PLEKHG4B: variants seen among roughly 807,000 people sequenced by gnomAD.
PLEKHG4B encodes the protein pleckstrin homology domain-containing family G member 4B.
A neutral mutation model predicts 121.3 loss-of-function variants in PLEKHG4B; 111 were observed. The ratio of observed to expected loss-of-function variants is 0.92; its 90% CI spans 0.78 to 1.07. The LOEUF is 1.07. Among genes scored for constraint, PLEKHG4B ranks in the 50% least tolerant of loss-of-function variants. PLEKHG4B has a pLI of 0.00. For missense variants in PLEKHG4B, 1,831 were observed against 1,757.8 expected, an observed-to-expected ratio of 1.04 and a Z score of -0.74; for synonymous variants, 738 against 725.0, an observed-to-expected ratio of 1.02 and a Z score of -0.29.
Position 140,509 on chromosome 5 carries a change from ACAGGTC to A in PLEKHG4B, c.1275_1280del (p.Pro426_Gly427del). 1 of 1,597,590 alleles carries A rather than the reference ACAGGTC, an allele frequency of 6.3e-7. No individual in the cohort carries two copies. Among genetic ancestry groups the A allele is most frequent in the Non-Finnish European group, 8.5e-7 (1 of 1,172,602 alleles). On this transcript the variant is annotated inframe_deletion, in exon 3 of 20. Transcript: ENST00000637938. ...GAAGGAGAGGCACACACCCAGCCGG[ACAGGTC>A]CAGGAGCTGCAGGGCGGACTCTTCC...
intron 11 of PLEKHG4B, among the ~76,000 whole-genome samples, chr5:161,041 C>A (rs542303459): frequency 6.6e-6 from 1 of 152,230 alleles, no homozygotes; most frequent in African/African-American, 2.4e-5. Flanking sequence ...TTCTTCACAA[C>A]AGGCCTCTCA....
intron 18 of PLEKHG4B, among the ~76,000 whole-genome samples, chr5:176,374 T>C (rs1736761555): frequency 6.6e-6 from 1 of 152,264 alleles, no homozygotes; most frequent in African/African-American, 2.4e-5. Flanking sequence ...TCCAAGCACC[T>C]GGAGCCTGCA....
chr5:136,121 A>G (rs1734977681), intron 2 of PLEKHG4B, among the ~76,000 whole-genome samples: 1 of 152,178 alleles, frequency 6.6e-6, no homozygotes, highest in African/African-American at 2.4e-5. Flanking sequence ...ATCCACATGC[A>G]AAAGAATGAA....
chr5:94,138 G>A (rs1402216273), intron 1 of PLEKHG4B, among the ~76,000 whole-genome samples: 1 of 152,238 alleles, frequency 6.6e-6, no homozygotes, highest in Non-Finnish European at 1.5e-5. Flanking sequence ...AGCAAAGCTA[G>A]GTTTGAGCCA....
rs373010753 is a variant in PLEKHG4B, at chr5:154,926, C to T, written c.2044C>T (p.Gln682Ter). Reference protein sequence around the residue: ...KAVHKFVDSCQLTADLDGSFP... With the variant: ...KAVHKFVDSC ...CGTGCACAAATTTGTTGACAGCTGC[C>T]AGCTGACCGCAGACCTCGACGGCTC... Residue 682 changes from glutamine to a stop codon, truncating the protein, a stop_gained, in exon 8 of 20, where the codon CAG (glutamine) becomes TAG (stop). Transcript: ENST00000637938. LOFTEE classifies it high-confidence loss of function. 8.7e-6 allele frequency: 14 copies of T among 1,613,836 alleles called. No homozygotes were observed. The highest frequency in any genetic ancestry group is 5.3e-5 in the African/African-American group (4 of 74,938).
Position 139,827 on chromosome 5 carries a change from T to C in PLEKHG4B, c.588T>C (p.Thr196=), listed in dbSNP as rs1300953253. The C allele has an allele frequency of 6.3e-5, 25 of 398,296 alleles. No individual in the cohort carries two copies. The highest frequency in any genetic ancestry group is 1.0e-4 in the Non-Finnish European group (23 of 226,222). The allele number at this position is 398,296 out of a possible 1,614,324, so 24.7% of individuals were successfully genotyped here. ...ACCGAGCCCCGTGGAGCGACGTCAC[T>C]GACCCTGTCTTTGTCCCCAGCCCTG... ...AVHRAPWSDV[T]DPVFVPSPGA... is the part of the protein sequence containing the mutation. Residue 196 remains threonine (T), a synonymous_variant, in exon 3 of 20, where the codon ACT becomes ACC. Transcript: ENST00000637938. The surrounding 1 kb of genome is among the most constrained non-coding windows in gnomAD (Gnocchi z 5.0).
In PLEKHG4B at chr5:143,450, C is replaced by T; in HGVS notation, c.1758C>T (p.His586=). 1 of 1,612,942 alleles carries T rather than the reference C, an allele frequency of 6.2e-7. No homozygotes were observed. Among genetic ancestry groups the T allele is most frequent in the Non-Finnish European group, 8.5e-7 (1 of 1,180,006 alleles). Reference sequence around the variant, plus strand: ...GGAGCCTGCTCTGGACCAGGGAACACTCGTCCTGTGCTGAGCTGACCCGCC... The same window carrying T: ...GGAGCCTGCTCTGGACCAGGGAACATTCGTCCTGTGCTGAGCTGACCCGCC... ...RTRSLLWTRE[H]SSCAELTRLL... The change falls in exon 5 of 20, where the codon CAC becomes CAT. Residue 586 remains histidine (H), a synonymous_variant. Coordinates refer to ENST00000637938, the MANE Select transcript of PLEKHG4B (RefSeq NM_052909.5).
intron 1 of PLEKHG4B, among the ~76,000 whole-genome samples, chr5:111,396 G>A (rs959496702): frequency 1.3e-5 from 2 of 152,244 alleles, no homozygotes; most frequent in African/African-American, 4.8e-5. Context: ...GCCTGCCCCA[G>A]TCACCATGGA....
chr5:168,245 C>T (rs1015837597), intron 13 of PLEKHG4B, among the ~76,000 whole-genome samples: 27 of 152,208 alleles, frequency 1.8e-4, no homozygotes, highest in African/African-American at 4.3e-4. Flanking sequence ...CTCCTCAGGA[C>T]GCTCATTCAA....
rs1342854413 is a variant in PLEKHG4B, at chr5:162,960, C to T, written c.2888C>T (p.Pro963Leu). ...RLEEALSEAA[P>L]DPSLPPLAQS... is the part of the protein sequence containing the mutation. ...GAAGAGGCCCTTTCTGAGGCTGCCC[C>T]AGACCCCAGCTTACCGCCCCTTGCC... Residue 963 changes from proline to leucine, a missense_variant, in exon 13 of 20, where the codon CCA becomes CTA. By Grantham distance (98) the Pro-to-Leu change is moderately conservative. Coordinates refer to ENST00000637938, the MANE Select transcript of PLEKHG4B (RefSeq NM_052909.5). 1.3e-6 allele frequency: 2 copies of T among 1,561,474 alleles called. No homozygotes were observed. The highest frequency in any genetic ancestry group is 1.4e-5 in the African/African-American group (1 of 73,608).
chr5:140,378 C>G lies in PLEKHG4B; in HGVS notation c.1139C>G (p.Ser380Cys). ...EEALGDLACS[S>C]LTGASRDLGT... The stretch of plus-strand genomic sequence containing the variant: ...GCCCTCGGGGACCTGGCCTGCAGCT[C>G]CCTGACTGGAGCCAGCAGGGACCTG... The change falls in exon 3 of 20, where the codon TCC (serine) becomes TGC (cysteine). Residue 380 changes from serine (S) to cysteine (C), a missense_variant. By Grantham distance (112) the Ser-to-Cys change is moderately radical. Coordinates refer to ENST00000637938, the MANE Select transcript of PLEKHG4B (RefSeq NM_052909.5). The G allele has an allele frequency of 6.4e-7, 1 of 1,552,276 alleles. No individual in the cohort carries two copies.
intron 3 of PLEKHG4B, among the ~76,000 whole-genome samples, chr5:141,608 T>A (rs1735206177): frequency 6.6e-6 from 1 of 151,926 alleles, no homozygotes; most frequent in Non-Finnish European, 1.5e-5. Flanking sequence ...GAGGCCACAT[T>A]CACAGTTTCC....
intron 9 of PLEKHG4B, 112 bp from the exon 10 acceptor site, chr5:155,959 C>G: frequency 8.7e-7 from 1 of 1,149,184 alleles, no homozygotes; most frequent in Non-Finnish European, 1.2e-6. Flanking sequence ...GTCATGCCGC[C>G]AGGCCTGCAG....
chr5:168,109 C>A (rs566225065), intron 13 of PLEKHG4B, among the ~76,000 whole-genome samples: 95 of 152,288 alleles, frequency 6.2e-4, no homozygotes, highest in African/African-American at 2.2e-3. Flanking sequence ...TTCGGGCAGC[C>A]ACAGAGGAGC....
At chr5:130,314 A>G (rs1734742138) in intron 2 of PLEKHG4B, among the ~76,000 whole-genome samples, 1 of 152,250 alleles carries the variant, frequency 6.6e-6, no homozygotes, top group African/African-American at 2.4e-5. Context: ...GCAGACTTGA[A>G]GAGATAATTT....
chr5:169,267 C>G, intron 13 of PLEKHG4B, 73 bp from the exon 14 acceptor site: 1 of 1,572,918 alleles, frequency 6.4e-7, no homozygotes, highest in African/African-American at 1.4e-5. Flanking sequence ...GTGTTTCTGT[C>G]TCAGGCATGA....
chr5:99,453 ACC>A (rs1733737538), intron 1 of PLEKHG4B, among the ~76,000 whole-genome samples: 1 of 151,782 alleles, frequency 6.6e-6, no homozygotes, highest in African/African-American at 2.4e-5. Flanking sequence ...CAAGTCTTTT[ACC>A]TTTACGTTTA....
At chr5:140,881 C>T (rs1579279166) in intron 3 of PLEKHG4B, among the ~76,000 whole-genome samples, 165 bp downstream of exon 3, 1 of 68,078 alleles carries the variant, frequency 1.5e-5, no homozygotes, top group African/African-American at 7.5e-5. Flanking sequence ...CCTGCACACC[C>T]CCACCCCTTC....
rs767901697 is a variant in PLEKHG4B, at chr5:153,442, G to A, written c.1993-1433G>A. ...CACGTAACGTGGTTAGACTCCAACC[G>A]GCAGCTCTGTGTCACCCACAGTGGG... On this transcript the variant is annotated intron_variant, in intron 7 of 19. Transcript: ENST00000637938. Among the ~76,000 whole-genome samples the A allele has an allele frequency of 5.3e-5, 8 of 152,250 alleles. No individual in the cohort carries two copies. In the East Asian group the frequency reaches 7.7e-4, roughly 15 times the overall value.
Sources: gnomAD v4.1 joint callset for allele counts (sites outside exome capture counted in the v4.1 genomes callset) on GRCh38, gnomAD v4.1.1 for gene constraint, Gnocchi (gnomAD v3.1) non-coding constraint, MANE v1.5 for transcripts, NCBI Gene and HGNC (gene_info 2026-07-23, HGNC 2026-07-21) for gene names.